Variants in GRID2 observed in about 807,000 individuals in gnomAD.
GRID2 encodes glutamate receptor ionotropic, delta-2.
In GRID2, 33 loss-of-function variants were observed where a neutral mutation model predicts 114.8. That is an observed-to-expected ratio of 0.29 (90% CI 0.22 to 0.38). GRID2 has a LOEUF of 0.38. GRID2 is among the 10% of genes least tolerant of loss of function. The probability of loss-of-function intolerance (pLI) is 1.00; values close to 1 mark genes in which losing one functional copy is unlikely to be tolerated. For missense variants in GRID2, 1,184 were observed against 1,257.7 expected (o/e 0.94, Z 0.89); for synonymous variants, 505 against 449.9 (o/e 1.12, Z -1.55).
chr4:93,219,953 T>C (rs2149487099), intron 6 of GRID2, among the ~76,000 whole-genome samples: 1 of 152,196 alleles, frequency 6.6e-6, no homozygotes, highest in South Asian at 2.1e-4. Flanking sequence ...TGAATTAGGC[T>C]TGCCAAATAA....
At chr4:93,573,008 T>C (rs1313471629) in intron 13 of GRID2, among the ~76,000 whole-genome samples, 2 of 152,122 alleles carry the variant, frequency 1.3e-5, no homozygotes, top group Non-Finnish European at 2.9e-5. Flanking sequence ...AGGGCCCAGA[T>C]CTTTATCAGT....
intron 2 of GRID2, among the ~76,000 whole-genome samples, chr4:92,619,982 T>C (rs781735008): frequency 1.3e-5 from 2 of 151,658 alleles, no homozygotes; most frequent in Non-Finnish European, 3.0e-5. Flanking sequence ...AGGTGCATCA[T>C]GAATTATAGG....
chr4:92,442,774 A>T (rs1274079447), intron 1 of GRID2, among the ~76,000 whole-genome samples: 2 of 152,104 alleles, frequency 1.3e-5, no homozygotes, highest in Non-Finnish European at 2.9e-5. Flanking sequence ...TTTATATTTG[A>T]TGAAAAAGAG....
intron 2 of GRID2, among the ~76,000 whole-genome samples, chr4:92,641,370 G>A (rs978670021): frequency 2.0e-5 from 3 of 151,322 alleles, no homozygotes; most frequent in Non-Finnish European, 4.4e-5. Flanking sequence ...CTGAAGCCTC[G>A]AAATCCTGGG....
At chr4:92,769,362 G>A (rs982612599) in intron 2 of GRID2, among the ~76,000 whole-genome samples, 102 of 152,250 alleles carry the variant, frequency 6.7e-4, no homozygotes, top group African/African-American at 2.2e-3. Flanking sequence ...TTCATGGGCC[G>A]GCGTTGAGTG....
intron 2 of GRID2, among the ~76,000 whole-genome samples, chr4:92,955,571 G>T (rs369125402): frequency 6.6e-6 from 1 of 152,096 alleles, no homozygotes; most frequent in Admixed American, 6.6e-5. Flanking sequence ...TAGGTTGCCT[G>T]TTCTCTCTGA....
chr4:93,272,813 T>A (rs1328430652), intron 8 of GRID2, among the ~76,000 whole-genome samples: 2 of 152,186 alleles, frequency 1.3e-5, no homozygotes, highest in Non-Finnish European at 2.9e-5. Flanking sequence ...TCTACTTTTT[T>A]AACTTTTTAT....
At chr4:92,744,036 A>T (rs926947799) in intron 2 of GRID2, among the ~76,000 whole-genome samples, 2 of 151,058 alleles carry the variant, frequency 1.3e-5, no homozygotes, top group African/African-American at 4.9e-5. Flanking sequence ...GCTTGTTTTT[A>T]TTTTTCCTAC....
chr4:93,122,890 G>GTTT lies in GRID2; in HGVS notation c.735+11957_735+11959dup, dbSNP rs886185779. ...GTTACTAGTCAATCCACAGATGTGG[G>GTTT]TTTTTTTTTTTTTTTTTTTTTTGAT... is the stretch of plus-strand genomic sequence containing the variant. On this transcript the variant is annotated intron_variant, in intron 4 of 15. Transcript: ENST00000282020. Among the ~76,000 whole-genome samples the GTTT allele has an allele frequency of 3.4e-3, 235 of 69,632 alleles. 2 individuals are homozygous for GTTT. The highest frequency in any genetic ancestry group is 0.019 in the Middle Eastern group (1 of 54). The allele number at this position is 69,632 out of a possible 152,430, so 45.7% of individuals were successfully genotyped here.
intron 1 of GRID2, among the ~76,000 whole-genome samples, chr4:92,366,753 G>T (rs913831049): frequency 1.3e-5 from 2 of 151,916 alleles, no homozygotes; most frequent in Non-Finnish European, 2.9e-5. Context: ...AAAGCTCCTG[G>T]ACATTGGCCT....
At chr4:92,700,049 G>A (rs1443658807) in intron 2 of GRID2, among the ~76,000 whole-genome samples, 1 of 152,096 alleles carries the variant, frequency 6.6e-6, no homozygotes, top group Non-Finnish European at 1.5e-5. Context: ...AATAAGCCAG[G>A]ACCTGAGGTT....
At chr4:92,917,230 T>G (rs992014285) in intron 2 of GRID2, among the ~76,000 whole-genome samples, 38 of 152,018 alleles carry the variant, frequency 2.5e-4, no homozygotes, top group Admixed American at 3.3e-4. Context: ...TTGTAAATTT[T>G]TTTGAGTTCA....
intron 2 of GRID2, among the ~76,000 whole-genome samples, chr4:93,071,106 A>C (rs1437072431): frequency 1.3e-5 from 2 of 152,104 alleles, no homozygotes; most frequent in African/African-American, 4.8e-5. Context: ...TTTCTTATGA[A>C]GGGCAGATTC....
intron 2 of GRID2, among the ~76,000 whole-genome samples, chr4:92,940,472 G>A (rs1751023897): frequency 6.6e-6 from 1 of 151,868 alleles, no homozygotes; most frequent in Non-Finnish European, 1.5e-5. Context: ...TTTGGGCTGA[G>A]ACGATGGGGT....
chr4:93,462,964 GT>G (rs1038237501), intron 11 of GRID2, among the ~76,000 whole-genome samples: 6 of 152,048 alleles, frequency 3.9e-5, no homozygotes, highest in Non-Finnish European at 7.4e-5. Context: ...ACAAAGACAG[GT>G]TTTTTTCTAC....
chr4:93,239,856 C>G (rs547153437), intron 8 of GRID2, among the ~76,000 whole-genome samples: 1 of 151,702 alleles, frequency 6.6e-6, no homozygotes, highest in South Asian at 2.1e-4. Context: ...GTGTTTACAT[C>G]CTTATATAAT....
At chr4:93,708,059 G>T (rs993262994) in intron 14 of GRID2, among the ~76,000 whole-genome samples, 1 of 151,910 alleles carries the variant, frequency 6.6e-6, no homozygotes, top group Non-Finnish European at 1.5e-5. Context: ...AAAGATACTT[G>T]ATATGATTTC....
chr4:92,824,048 T>A (rs1291896284), intron 2 of GRID2, among the ~76,000 whole-genome samples: 1 of 152,138 alleles, frequency 6.6e-6, no homozygotes, highest in African/African-American at 2.4e-5. Context: ...ATCTGGCTGG[T>A]AGTTCAGGGG....
At chr4:92,772,277 C>T (rs561716301) in intron 2 of GRID2, among the ~76,000 whole-genome samples, 1 of 152,232 alleles carries the variant, frequency 6.6e-6, no homozygotes, top group East Asian at 1.9e-4. Flanking sequence ...TGGAGCCAGA[C>T]CAAAGTTTAT....
Sources: gnomAD v4.1 joint callset for allele counts (sites outside exome capture counted in the v4.1 genomes callset) on GRCh38, gnomAD v4.1.1 for gene constraint, MANE v1.5 for transcripts, NCBI Gene and HGNC (gene_info 2026-07-23, HGNC 2026-07-21) for gene names.